GNG7: variants seen among roughly 807,000 people sequenced by gnomAD.
GNG7 encodes guanine nucleotide-binding protein G(I)/G(S)/G(O) subunit gamma-7.
Under a neutral mutation model 4.0 loss-of-function variants are expected in GNG7, and 1 was observed. The ratio of observed to expected loss-of-function variants is 0.25; its 90% CI spans 0.09 to 1.18. The LOEUF (loss-of-function observed/expected upper bound fraction) is 1.18, where lower values mean the gene tolerates loss of function less well. Among genes scored for constraint, GNG7 ranks in the 50% most tolerant of loss-of-function variants. The pLI is 0.50. For synonymous variants in GNG7, 34 were observed against 36.9 expected, an observed-to-expected ratio of 0.92 and a Z score of 0.29; for missense variants, 86 against 91.9, an observed-to-expected ratio of 0.94 and a Z score of 0.26.
intron 1 of GNG7, among the ~76,000 whole-genome samples, chr19:2,693,632 T>C (rs1404865923): frequency 6.6e-6 from 1 of 152,016 alleles, no homozygotes; most frequent in Admixed American, 6.6e-5. Flanking sequence ...GGTGCGGCCA[T>C]CCTGGGCACT....
chr19:2,559,496 C>T (rs1213055761), intron 2 of GNG7, among the ~76,000 whole-genome samples: 3 of 151,776 alleles, frequency 2.0e-5, no homozygotes, highest in Non-Finnish European at 2.9e-5. Context: ...GGATTACAGG[C>T]ACCCACCACC....
Position 2,608,692 on chromosome 19 carries a change from A to G in GNG7, c.-78+37532T>C, listed in dbSNP as rs117278744. 1.5e-3 allele frequency among the ~76,000 whole-genome samples: 231 copies of G among 152,248 alleles called. 4 individuals carry two copies. In the East Asian group the frequency reaches 0.033, roughly 21 times the overall value. ...AGGGGATGCAGATGGCAGAGTCTCA[A>G]AGGCCTTCCCTGCATGGGGCAGACA... is the stretch of plus-strand genomic sequence containing the variant. On this transcript the variant is annotated intron_variant, in intron 2 of 4. Coordinates refer to ENST00000382159, the MANE Select transcript of GNG7 (RefSeq NM_052847.3).
chr19:2,598,527 G>T (rs1981098486), intron 2 of GNG7, among the ~76,000 whole-genome samples: 1 of 151,300 alleles, frequency 6.6e-6, no homozygotes. Context: ...TGTGGTGGCG[G>T]GCGCCTGTAG....
At position 2,512,474 on chromosome 19, in the gene GNG7, C is replaced by A; in HGVS notation, c.*2548G>T. On this transcript the variant is annotated 3_prime_UTR_variant, in exon 5 of 5. Coordinates refer to ENST00000382159, the MANE Select transcript of GNG7 (RefSeq NM_052847.3). The surrounding 1 kb of genome is among the most constrained non-coding windows in gnomAD (Gnocchi z 4.7). The stretch of plus-strand genomic sequence containing the variant: ...GGTGGGGTCTGGACAGCTCAGGGAA[C>A]CCAAGGCCCTGTGGACAGTGAAGGA... The A allele has an allele frequency of 1.7e-6, 1 of 590,182 alleles. No individual in the cohort carries two copies. The highest frequency in any genetic ancestry group is 2.1e-6 in the Non-Finnish European group (1 of 468,858). 36.6% of individuals were successfully genotyped at this position (590,182 alleles called of 1,614,324 possible). A position where few individuals can be genotyped will look rare whatever the true frequency, so the allele number is the denominator to read the frequency against.
At chr19:2,564,696 A>T (rs1979848375) in intron 2 of GNG7, among the ~76,000 whole-genome samples, 1 of 152,152 alleles carries the variant, frequency 6.6e-6, no homozygotes, top group South Asian at 2.1e-4. Context: ...TAGAGCCCCC[A>T]GAAGCTGGGA....
chr19:2,665,697 C>T (rs1446442658), intron 1 of GNG7, among the ~76,000 whole-genome samples: 1 of 152,082 alleles, frequency 6.6e-6, no homozygotes, highest in Non-Finnish European at 1.5e-5. Flanking sequence ...CTCAGTTTCC[C>T]ACTCTGTAGA....
intron 2 of GNG7, among the ~76,000 whole-genome samples, chr19:2,592,303 T>C (rs1237992649): frequency 6.6e-6 from 1 of 152,008 alleles, no homozygotes; most frequent in Non-Finnish European, 1.5e-5. Flanking sequence ...TTAACATTTT[T>C]CAAAAGGCTG....
chr19:2,537,522 A>G (rs987161475), intron 3 of GNG7, among the ~76,000 whole-genome samples: 3 of 152,224 alleles, frequency 2.0e-5, no homozygotes, highest in Non-Finnish European at 4.4e-5. Flanking sequence ...AGCGTGAGCC[A>G]TGGCACCTGG....
chr19:2,538,460 C>CAA (rs397859757), intron 3 of GNG7: 12,086 of 178,954 alleles, frequency 0.068, 1,015 homozygotes, highest in East Asian at 0.43. Context: ...CCCGTCTCTG[C>CAA]AAAAAAAAAA....
In GNG7 at chr19:2,617,830, T is replaced by C. The variant is rs1001917766; in HGVS notation, c.-78+28394A>G. 6.6e-6 allele frequency among the ~76,000 whole-genome samples: 1 copy of C among 151,776 alleles called. No homozygotes were observed. The highest frequency in any genetic ancestry group is 1.5e-5 in the Non-Finnish European group (1 of 67,936). On this transcript the variant is annotated intron_variant, in intron 2 of 4. Coordinates refer to ENST00000382159, the MANE Select transcript of GNG7 (RefSeq NM_052847.3). The surrounding 1 kb of genome is among the most constrained non-coding windows in gnomAD (Gnocchi z 4.7). ...GCCTCCTGGGCTCAAGTGATCCTCC[T>C]ACCTCAGCCTCCAGAGCAGCTGGAA...
At chr19:2,645,358 C>T (rs932941382) in intron 2 of GNG7, among the ~76,000 whole-genome samples, 1 of 151,762 alleles carries the variant, frequency 6.6e-6, no homozygotes, top group Non-Finnish European at 1.5e-5. Flanking sequence ...CGCACCTCAG[C>T]CTCCCGAGTA....
In GNG7 at chr19:2,612,438, G is replaced by T. The variant is rs189155155; in HGVS notation, c.-78+33786C>A. 6.2e-3 allele frequency among the ~76,000 whole-genome samples: 945 copies of T among 152,222 alleles called. 11 individuals are homozygous for T. The highest frequency in any genetic ancestry group is 0.035 in the South Asian group (168 of 4,828). On this transcript the variant is annotated intron_variant, in intron 2 of 4. Transcript: ENST00000382159. ...TGCAAAGAAGGTGTGTCTGGGACCT[G>T]GGCATTTCATATCGGGGTGACCCAG...
At position 2,609,462 on chromosome 19, in the gene GNG7, C is replaced by T. The variant is rs1036718822; in HGVS notation, c.-78+36762G>A. Among the ~76,000 whole-genome samples the T allele has an allele frequency of 1.1e-4, 16 of 152,232 alleles. No individual in the cohort carries two copies. The South Asian group carries it at 1.5e-3, about 14-fold the overall frequency. On this transcript the variant is annotated intron_variant, in intron 2 of 4. Coordinates refer to ENST00000382159, the MANE Select transcript of GNG7 (RefSeq NM_052847.3). This position sits in a 1 kb window ranked among gnomAD's most constrained non-coding sequence, Gnocchi z 4.4. Reference sequence around the variant, plus strand: ...CCTGGGATTTGGGAGCCGACAGGTCCGGGTAACAACTGCAGTTTAGCCGCT... The same window carrying T: ...CCTGGGATTTGGGAGCCGACAGGTCTGGGTAACAACTGCAGTTTAGCCGCT...
intron 1 of GNG7, among the ~76,000 whole-genome samples, chr19:2,697,189 C>T (rs1022192828): frequency 1.3e-5 from 2 of 152,252 alleles, no homozygotes; most frequent in Non-Finnish European, 2.9e-5. Context: ...GGAATTGCAT[C>T]CTTAAAAGGT....
At chr19:2,539,032 A>T (rs563039193) in intron 3 of GNG7, among the ~76,000 whole-genome samples, 2 of 152,198 alleles carry the variant, frequency 1.3e-5, no homozygotes, top group East Asian at 3.9e-4. Flanking sequence ...CGGCCTCCCA[A>T]AGTGCTGGGA....
At chr19:2,544,336 C>T (rs898168444) in intron 3 of GNG7, among the ~76,000 whole-genome samples, 1 of 152,190 alleles carries the variant, frequency 6.6e-6, no homozygotes, top group African/African-American at 2.4e-5. Context: ...CGTCAATGTG[C>T]ACATCTGCAC....
chr19:2,596,496 G>A (rs1046166899), intron 2 of GNG7, among the ~76,000 whole-genome samples: 3 of 151,920 alleles, frequency 2.0e-5, no homozygotes, highest in Admixed American at 1.3e-4. Flanking sequence ...GTGAGACCCC[G>A]TCTCAATTAA....
intron 1 of GNG7, among the ~76,000 whole-genome samples, chr19:2,661,245 AAAAGAAAGAAAGAAAGAAAGAAAGAAAAG>A (rs1983138479): frequency 2.1e-5 from 2 of 93,818 alleles, no homozygotes; most frequent in East Asian, 3.4e-4. Context: ...AGAAAGAAAG[AAAAGAAAGAAAGAAAGAAAGAAAGAAAAG>A]AAAGAAAGAA....
intron 2 of GNG7, among the ~76,000 whole-genome samples, chr19:2,608,803 A>G (rs1482802256): frequency 4.6e-5 from 7 of 152,330 alleles, no homozygotes; most frequent in African/African-American, 1.7e-4. Context: ...GTCTGCTGGC[A>G]CTGAGGGCCT....
Sources: allele counts gnomAD v4.1 joint callset (sites outside exome capture counted in the v4.1 genomes callset), GRCh38; gene constraint gnomAD v4.1.1; non-coding constraint Gnocchi (gnomAD v3.1); transcripts MANE v1.5; gene names NCBI Gene and HGNC (gene_info 2026-07-23, HGNC 2026-07-21).